ZNF385B: variants seen among roughly 807,000 people sequenced by gnomAD.
ZNF385B encodes zinc finger protein 533.
Under a neutral mutation model 39.2 loss-of-function variants are expected in ZNF385B, and 23 were observed. The ratio of observed to expected loss-of-function variants is 0.59; its 90% confidence interval spans 0.42 to 0.83. ZNF385B has a LOEUF of 0.83. Among genes scored for constraint, ZNF385B ranks in the 40% least tolerant of loss-of-function variants. The pLI is 0.00. For synonymous variants in ZNF385B, 205 were observed against 222.6 expected, an observed-to-expected ratio of 0.92 and a Z score of 0.70; for missense variants, 552 against 598.9, an observed-to-expected ratio of 0.92 and a Z score of 0.82.
chr2:179,541,096 A>C (rs908668592), intron 4 of ZNF385B, among the ~76,000 whole-genome samples: 1 of 152,204 alleles, frequency 6.6e-6, no homozygotes, highest in Non-Finnish European at 1.5e-5. Context: ...TAACATCATC[A>C]TCCTCCAAGC....
chr2:179,449,763 C>T (rs1341953015), intron 6 of ZNF385B, among the ~76,000 whole-genome samples: 15 of 151,724 alleles, frequency 9.9e-5, no homozygotes, highest in Non-Finnish European at 1.9e-4. Flanking sequence ...TTAAAGTTCA[C>T]ATGGAACCAA....
intron 5 of ZNF385B, among the ~76,000 whole-genome samples, chr2:179,512,167 T>A (rs2057736019): frequency 6.6e-6 from 1 of 152,152 alleles, no homozygotes; most frequent in African/African-American, 2.4e-5. Context: ...GCTTTCATTT[T>A]GATTTGCTTA....
chr2:179,588,709 C>T (rs1687305853), intron 3 of ZNF385B, among the ~76,000 whole-genome samples: 1 of 152,174 alleles, frequency 6.6e-6, no homozygotes, highest in Admixed American at 6.5e-5. Flanking sequence ...CTGAGGTCAG[C>T]CTGCCTAGTG....
intron 1 of ZNF385B, among the ~76,000 whole-genome samples, chr2:179,836,501 T>C (rs1489974383): frequency 7.4e-6 from 1 of 135,948 alleles, no homozygotes; most frequent in Non-Finnish European, 1.6e-5. Flanking sequence ...TGAATCAAGG[T>C]TCTTGCGTTT....
intron 3 of ZNF385B, among the ~76,000 whole-genome samples, chr2:179,548,032 G>A (rs1253546800): frequency 1.3e-5 from 2 of 149,408 alleles, no homozygotes; most frequent in African/African-American, 2.5e-5. Flanking sequence ...ATTGTTTGCT[G>A]TTGGTACATA....
intron 3 of ZNF385B, among the ~76,000 whole-genome samples, chr2:179,678,801 T>G (rs1478305497): frequency 6.6e-6 from 1 of 152,160 alleles, no homozygotes; most frequent in Non-Finnish European, 1.5e-5. Flanking sequence ...TCAGTGGAGT[T>G]AAGGTTATAT....
chr2:179,732,459 C>T (rs1304528642), intron 3 of ZNF385B, among the ~76,000 whole-genome samples: 5 of 152,124 alleles, frequency 3.3e-5, no homozygotes, highest in Non-Finnish European at 7.3e-5. Context: ...TTTCAAAGAG[C>T]AGCAGTCCAG....
At chr2:179,506,528 T>G (rs1026278839) in intron 5 of ZNF385B, among the ~76,000 whole-genome samples, 17 of 152,124 alleles carry the variant, frequency 1.1e-4, no homozygotes, top group African/African-American at 3.4e-4. Flanking sequence ...ATTGTATAAT[T>G]TTGATTGTAT....
chr2:179,768,141 G>C (rs1302729607), intron 3 of ZNF385B, among the ~76,000 whole-genome samples: 1 of 151,498 alleles, frequency 6.6e-6, no homozygotes. Flanking sequence ...GTAGATACAG[G>C]GTTTCACCAT....
At chr2:179,761,265 C>T (rs2106487841) in intron 3 of ZNF385B, among the ~76,000 whole-genome samples, 1 of 152,212 alleles carries the variant, frequency 6.6e-6, no homozygotes, top group South Asian at 2.1e-4. Context: ...ATAATCTTGT[C>T]TATGTCTACA....
chr2:179,624,409 A>T (rs1690481868), intron 3 of ZNF385B, among the ~76,000 whole-genome samples: 1 of 152,172 alleles, frequency 6.6e-6, no homozygotes, highest in Non-Finnish European at 1.5e-5. Flanking sequence ...TTTCACAAAT[A>T]CCTAACCATT....
At chr2:179,561,998 T>C (rs953854352) in intron 3 of ZNF385B, among the ~76,000 whole-genome samples, 2 of 152,164 alleles carry the variant, frequency 1.3e-5, no homozygotes, top group African/African-American at 4.8e-5. Context: ...ACATTTATAA[T>C]CAACAGCTTA....
chr2:179,601,284 A>G (rs138225968), intron 3 of ZNF385B, among the ~76,000 whole-genome samples: 36 of 152,322 alleles, frequency 2.4e-4, no homozygotes, highest in Admixed American at 1.6e-3. Context: ...TGGGTGAAGC[A>G]AGAATGAGAT....
chr2:179,608,973 G>A (rs1160273685), intron 3 of ZNF385B, among the ~76,000 whole-genome samples: 1 of 151,104 alleles, frequency 6.6e-6, no homozygotes, highest in African/African-American at 2.4e-5. Context: ...TATATTTATG[G>A]GGTACATGAG....
At chr2:179,751,826 C>T (rs1337533441) in intron 3 of ZNF385B, among the ~76,000 whole-genome samples, 2 of 152,068 alleles carry the variant, frequency 1.3e-5, no homozygotes, top group Admixed American at 6.6e-5. Context: ...GCAAAATACC[C>T]AGGTTTTATT....
chr2:179,494,683 C>T (rs1479767292), intron 5 of ZNF385B, among the ~76,000 whole-genome samples: 2 of 151,896 alleles, frequency 1.3e-5, no homozygotes, highest in Non-Finnish European at 2.9e-5. Context: ...AAAGTTACCT[C>T]TTAGATTCAG....
At chr2:179,807,108 C>T (rs919719775) in intron 1 of ZNF385B, among the ~76,000 whole-genome samples, 1 of 151,968 alleles carries the variant, frequency 6.6e-6, no homozygotes, top group East Asian at 1.9e-4. Context: ...GAGAAATGTC[C>T]GTTTCTACCA....
chr2:179,512,577 T>C (rs2057763397), intron 5 of ZNF385B, among the ~76,000 whole-genome samples: 1 of 152,192 alleles, frequency 6.6e-6, no homozygotes, highest in Non-Finnish European at 1.5e-5. Flanking sequence ...AGATCAGGAT[T>C]CAGATTTAGG....
chr2:179,603,756 A>G (rs1297436280), intron 3 of ZNF385B, among the ~76,000 whole-genome samples: 1 of 152,224 alleles, frequency 6.6e-6, no homozygotes, highest in Non-Finnish European at 1.5e-5. Context: ...TGATGAAAAT[A>G]GGACTAGATT....
Sources: allele counts gnomAD v4.1 joint callset (sites outside exome capture counted in the v4.1 genomes callset), GRCh38; gene constraint gnomAD v4.1.1; transcripts MANE v1.5; gene names NCBI Gene and HGNC (gene_info 2026-07-23, HGNC 2026-07-21).